CCDC172: variants seen among roughly 807,000 people sequenced by gnomAD.
The protein encoded by CCDC172 is coiled-coil domain-containing protein 172.
CCDC172 carries 30 observed loss-of-function variants against 38.0 expected under a neutral mutation model. That is an observed-to-expected ratio of 0.79 (90% confidence interval 0.59 to 1.07). The LOEUF (loss-of-function observed/expected upper bound fraction) is 1.07, where lower values mean the gene tolerates loss of function less well. Ranked by LOEUF, CCDC172 falls within the 50% of genes least tolerant of loss-of-function variation. The pLI is 0.00. For synonymous variants in CCDC172, 78 were observed against 88.3 expected, an observed-to-expected ratio of 0.88 and a Z score of 0.66; for missense variants, 297 against 290.1, an observed-to-expected ratio of 1.02 and a Z score of -0.17.
chr10:116,377,490 C>A (rs1310852044), intron 7 of CCDC172, among the ~76,000 whole-genome samples: 1 of 152,098 alleles, frequency 6.6e-6, no homozygotes, highest in African/African-American at 2.4e-5. Flanking sequence ...CAGTTCTAAC[C>A]AACCTATTTT....
chr10:116,343,080 TAAAGC>T (rs1361142908), intron 5 of CCDC172, among the ~76,000 whole-genome samples: 3 of 152,140 alleles, frequency 2.0e-5, no homozygotes, highest in Non-Finnish European at 2.9e-5. Flanking sequence ...GATCCTGAAT[TAAAGC>T]AGTTGCCAAG....
rs1450467505 is a variant in CCDC172, at chr10:116,343,518, T to C, written c.448+1317T>C. Among the ~76,000 whole-genome samples, 310 of 114,110 alleles carry C rather than the reference T, an allele frequency of 2.7e-3. 2 individuals are homozygous for C. The highest frequency in any genetic ancestry group is 8.5e-3 in the African/African-American group (198 of 23,356). 74.9% of individuals were successfully genotyped at this position (114,110 alleles called of 152,430 possible). On this transcript the variant is annotated intron_variant, in intron 5 of 8. Coordinates refer to ENST00000333254, the MANE Select transcript of CCDC172 (RefSeq NM_198515.3). ...TATTTCCCTTCTCTGATCATTCGTTTTTTTTTTTTTTTTTAAAAAAATATA... is the reference window on the plus strand; with the variant it reads ...TATTTCCCTTCTCTGATCATTCGTTCTTTTTTTTTTTTTTAAAAAAATATA...
intron 3 of CCDC172, among the ~76,000 whole-genome samples, chr10:116,328,824 A>G (rs75898892): frequency 0.092 from 14,020 of 152,128 alleles, 783 homozygotes; most frequent in East Asian, 0.21. Context: ...ATCCTTTAGT[A>G]CTGTATTACC....
At position 116,342,126 on chromosome 10, in the gene CCDC172, A is replaced by G; in HGVS notation, c.373A>G (p.Arg125Gly). The change falls in exon 5 of 9, where the codon AGA becomes GGA. Residue 125 changes from arginine to glycine, a missense_variant. Arg to Gly is a moderately radical substitution (Grantham distance 125, BLOSUM62 -2). Transcript: ENST00000333254. ...FNNDYEITKK[R>G]ELLMKENVKI... The stretch of plus-strand genomic sequence containing the variant: ...TAATGATTATGAAATAACAAAGAAA[A>G]GAGAGCTTTTGATGAAAGAAAATGT... 1 of 1,552,264 alleles carries G rather than the reference A, an allele frequency of 6.4e-7. No homozygotes were observed. The highest frequency in any genetic ancestry group is 8.6e-7 in the Non-Finnish European group (1 of 1,159,224).
At chr10:116,372,702 G>A (rs906783645) in intron 7 of CCDC172, among the ~76,000 whole-genome samples, 1 of 151,858 alleles carries the variant, frequency 6.6e-6, no homozygotes, top group Non-Finnish European at 1.5e-5. Flanking sequence ...CAGCATTAAA[G>A]AAAAACAAAC....
intron 7 of CCDC172, among the ~76,000 whole-genome samples, chr10:116,373,566 A>AC (rs1845211531): frequency 6.6e-6 from 1 of 152,174 alleles, no homozygotes. Context: ...GTGCAGTGGC[A>AC]CAATCTTGGC....
intron 3 of CCDC172, among the ~76,000 whole-genome samples, chr10:116,331,845 G>A (rs1844666863): frequency 6.6e-6 from 1 of 152,132 alleles, no homozygotes; most frequent in Non-Finnish European, 1.5e-5. Context: ...TTAAGGACCA[G>A]TTTTTATGTT....
intron 5 of CCDC172, 123 bp from the exon 6 acceptor site, chr10:116,357,257 A>G (rs1845009753): frequency 1.0e-5 from 6 of 596,454 alleles, no homozygotes; most frequent in Non-Finnish European, 1.7e-5. Context: ...CTTTTCACTT[A>G]TTTGTGTTGT....
At chr10:116,336,405 A>G (rs937678783) in intron 3 of CCDC172, among the ~76,000 whole-genome samples, 1 of 151,204 alleles carries the variant, frequency 6.6e-6, no homozygotes, top group Non-Finnish European at 1.5e-5. Flanking sequence ...AAAATCATGT[A>G]AAGCCTTATA....
rs1565719657 is a variant in CCDC172 at position 116,356,388 on chromosome 10, G to GAGGGAGGAAGGAAGGAAGGAAGGA, written c.449-989_449-988insGAGGAAGGAAGGAAGGAAGGAAGG. On this transcript the variant is annotated intron_variant, in intron 5 of 8. Transcript: ENST00000333254. ...GAGGAGGAAGAAGAGGGGAGGGAGG[G>GAGGGAGGAAGGAAGGAAGGAAGGA]AGGAAGGAAGGAAGGAAGGAAGGAA... Among the ~76,000 whole-genome samples, 5 of 144,052 alleles carry GAGGGAGGAAGGAAGGAAGGAAGGA rather than the reference G, an allele frequency of 3.5e-5. No individual in the cohort carries two copies. In the Admixed American group the frequency reaches 3.6e-4, roughly 10 times the overall value. The allele number at this position is 144,052 out of a possible 152,430, so 94.5% of individuals were successfully genotyped here.
chr10:116,378,566 G>C, intron 8 of CCDC172, 56 bp downstream of exon 8: 2 of 1,403,420 alleles, frequency 1.4e-6, no homozygotes, highest in African/African-American at 1.4e-5. Context: ...CTACTGGTAA[G>C]GAACGGTTTT....
intron 7 of CCDC172, among the ~76,000 whole-genome samples, chr10:116,365,213 C>CT (rs997429137): frequency 6.6e-6 from 1 of 152,178 alleles, no homozygotes; most frequent in East Asian, 1.9e-4. Flanking sequence ...GCAATCTTTT[C>CT]TTTAAGTGCA....
chr10:116,379,491 G>A lies in CCDC172; in HGVS notation c.*133G>A. On this transcript the variant is annotated 3_prime_UTR_variant, in exon 9 of 9. Coordinates refer to ENST00000333254, the MANE Select transcript of CCDC172 (RefSeq NM_198515.3). The stretch of plus-strand genomic sequence containing the variant: ...ATATGGGGTTTAAAATATTCAAATT[G>A]TTATTATCTAGAAATGATGTGTTAG... 1 of 481,996 alleles carries A rather than the reference G, an allele frequency of 2.1e-6. No individual in the cohort carries two copies. Among genetic ancestry groups the A allele is most frequent in the Non-Finnish European group, 3.6e-6 (1 of 278,272 alleles). 29.9% of individuals were successfully genotyped at this position (481,996 alleles called of 1,614,324 possible). A position where few individuals can be genotyped will look rare whatever the true frequency, so the allele number is the denominator to read the frequency against.
chr10:116,343,842 GTT>G (rs1844831029), intron 5 of CCDC172, among the ~76,000 whole-genome samples: 1 of 152,078 alleles, frequency 6.6e-6, no homozygotes, highest in Admixed American at 6.6e-5. Context: ...TGACTGAATG[GTT>G]CTCTGAGGCA....
intron 3 of CCDC172, among the ~76,000 whole-genome samples, chr10:116,334,689 A>G (rs2075880072): frequency 6.6e-6 from 1 of 152,036 alleles, no homozygotes; most frequent in South Asian, 2.1e-4. Context: ...ATAACTGTAT[A>G]CATACATCTT....
intron 5 of CCDC172, among the ~76,000 whole-genome samples, chr10:116,356,803 G>A (rs1057324978): frequency 6.6e-6 from 1 of 152,102 alleles, no homozygotes; most frequent in Non-Finnish European, 1.5e-5. Flanking sequence ...AATTATAAAG[G>A]ATAGTTTTCT....
chr10:116,342,729 T>C (rs1290070143), intron 5 of CCDC172, among the ~76,000 whole-genome samples: 1 of 152,178 alleles, frequency 6.6e-6, no homozygotes, highest in Non-Finnish European at 1.5e-5. Flanking sequence ...GATTGGCTCA[T>C]GGGGGCAGGT....
chr10:116,354,388 G>T (rs549043341), intron 5 of CCDC172, among the ~76,000 whole-genome samples: 1 of 152,040 alleles, frequency 6.6e-6, no homozygotes, highest in Non-Finnish European at 1.5e-5. Flanking sequence ...CCTCAGGCAG[G>T]TCCTGTAAGA....
chr10:116,364,732 CTT>C (rs1845102256), intron 7 of CCDC172, among the ~76,000 whole-genome samples: 1 of 152,026 alleles, frequency 6.6e-6, no homozygotes, highest in Non-Finnish European at 1.5e-5. Flanking sequence ...TGTATAATCA[CTT>C]ATATGAAAAC....
Sources: allele counts gnomAD v4.1 joint callset (sites outside exome capture counted in the v4.1 genomes callset), GRCh38; gene constraint gnomAD v4.1.1; transcripts MANE v1.5; gene names NCBI Gene and HGNC (gene_info 2026-07-23, HGNC 2026-07-21).